FRYL: variants seen among roughly 807,000 people sequenced by gnomAD.
FRYL encodes the protein FRY like transcription coactivator, also known as protein furry homolog-like.
FRYL carries 150 observed loss-of-function variants against 351.2 expected under a neutral mutation model. The observed-to-expected ratio is 0.43, with a 90% CI of 0.37 to 0.49. The LOEUF is 0.49. FRYL is among the 20% of genes least tolerant of loss of function. The pLI is 0.00. For missense variants in FRYL, 3,036 were observed against 3,619.3 expected, an observed-to-expected ratio of 0.84 and a Z score of 4.13; for synonymous variants, 1,153 against 1,257.1, an observed-to-expected ratio of 0.92 and a Z score of 1.75.
intron 59 of FRYL, among the ~76,000 whole-genome samples, chr4:48,508,958 C>G (rs1721892310): frequency 6.6e-6 from 1 of 152,134 alleles, no homozygotes; most frequent in African/African-American, 2.4e-5. Context: ...TCTGTCTCTT[C>G]ATGGGAAGAA....
chr4:48,620,788 C>A lies in FRYL; in HGVS notation c.175-10G>T. The A allele has an allele frequency of 6.2e-7, 1 of 1,607,774 alleles. No homozygotes were observed. The highest frequency in any genetic ancestry group is 2.2e-5 in the East Asian group (1 of 44,742). On this transcript the variant is annotated splice_polypyrimidine_tract_variant and intron_variant, in intron 5 of 63. Transcript: ENST00000358350. ...TCATAGAGCTTATCAACTGAAAACA[C>A]AAGATATTACCAGAAAATAAATTGT...
intron 52 of FRYL, 66 bp from the exon 53 acceptor site, chr4:48,527,719 T>TGA: frequency 6.8e-7 from 1 of 1,464,990 alleles, no homozygotes; most frequent in Non-Finnish European, 9.2e-7. Context: ...GTATGAGGTA[T>TGA]CAGTACCCCA....
intron 1 of FRYL, among the ~76,000 whole-genome samples, chr4:48,755,997 G>C (rs1773734136): frequency 6.6e-6 from 1 of 151,646 alleles, no homozygotes; most frequent in African/African-American, 2.4e-5. Flanking sequence ...ACTTTGGGAG[G>C]CCGAGGGAAG....
At chr4:48,622,644 G>GT in intron 5 of FRYL, among the ~76,000 whole-genome samples, 1 of 152,182 alleles carries the variant, frequency 6.6e-6, no homozygotes, top group African/African-American at 2.4e-5. Context: ...TAAATTACTG[G>GT]TTTTTAAAAA....
At chr4:48,537,346 T>C (rs1729107155) in intron 47 of FRYL, among the ~76,000 whole-genome samples, 1 of 152,338 alleles carries the variant, frequency 6.6e-6, no homozygotes, top group Admixed American at 6.5e-5. Flanking sequence ...AATGCCAGGT[T>C]AAAATACGAT....
rs71660455 is a variant in FRYL at position 48,632,055 on chromosome 4, CAAAAAAAAAAAAAAAAAAA to C, written c.120+2217_120+2235del. On this transcript the variant is annotated intron_variant, in intron 4 of 63. Coordinates refer to ENST00000358350, the MANE Select transcript of FRYL (RefSeq NM_015030.2). The stretch of plus-strand genomic sequence containing the variant: ...GAGACACAGCAAGACCCTGTCTCTC[CAAAAAAAAAAAAAAAAAAA>C]AAAAAAAAAAAAAAAAAATATATAT... Among the ~76,000 whole-genome samples, 36 of 22,590 alleles carry C rather than the reference CAAAAAAAAAAAAAAAAAAA, an allele frequency of 1.6e-3. 1 individual carries two copies. The South Asian group carries it at 0.063, about 39-fold the overall frequency. The allele number at this position is 22,590 out of a possible 152,430, so 14.8% of individuals were successfully genotyped here. A position where few individuals can be genotyped will look rare whatever the true frequency, so the allele number is the denominator to read the frequency against.
chr4:48,667,985 T>A (rs1762033853), intron 3 of FRYL, among the ~76,000 whole-genome samples: 2 of 152,176 alleles, frequency 1.3e-5, no homozygotes, highest in Admixed American at 1.3e-4. Flanking sequence ...AAGTTACTTG[T>A]ATGTAGCTCT....
chr4:48,663,565 A>G (rs1442884560), intron 3 of FRYL, among the ~76,000 whole-genome samples: 1 of 151,310 alleles, frequency 6.6e-6, no homozygotes, highest in Admixed American at 6.6e-5. Flanking sequence ...TGAGTAAATA[A>G]AAGAGATCCC....
intron 1 of FRYL, among the ~76,000 whole-genome samples, chr4:48,767,953 C>T (rs1179999140): frequency 1.3e-5 from 2 of 152,230 alleles, no homozygotes; most frequent in Non-Finnish European, 1.5e-5. Flanking sequence ...TGTGGGTAAC[C>T]TCTGATTGAT....
chr4:48,764,389 G>A (rs1399673692), intron 1 of FRYL, among the ~76,000 whole-genome samples: 1 of 151,800 alleles, frequency 6.6e-6, no homozygotes, highest in African/African-American at 2.4e-5. Flanking sequence ...AGGTTAGCCG[G>A]GTATGATGGT....
At chr4:48,641,561 C>T (rs1484673014) in intron 3 of FRYL, among the ~76,000 whole-genome samples, 1 of 152,052 alleles carries the variant, frequency 6.6e-6, no homozygotes. Context: ...AATGGCTTAA[C>T]GACTGGCTCG....
At chr4:48,761,050 TTG>T (rs1491484053) in intron 1 of FRYL, among the ~76,000 whole-genome samples, 10 of 145,398 alleles carry the variant, frequency 6.9e-5, no homozygotes, top group South Asian at 2.2e-4. Flanking sequence ...TGTGTGTGTG[TTG>T]AAGAGGAAAT....
intron 3 of FRYL, among the ~76,000 whole-genome samples, chr4:48,634,980 T>A (rs540982674): frequency 1.1e-3 from 161 of 152,124 alleles, no homozygotes; most frequent in African/African-American, 3.3e-3. Context: ...ACACTTAAAC[T>A]CAGGCCTAAA....
At chr4:48,695,588 T>C (rs1766083067) in intron 2 of FRYL, among the ~76,000 whole-genome samples, 1 of 151,972 alleles carries the variant, frequency 6.6e-6, no homozygotes. Context: ...TCCATAAATA[T>C]AATAAACTGC....
At chr4:48,566,493 T>C (rs1396640417) in intron 28 of FRYL, among the ~76,000 whole-genome samples, 7 of 152,338 alleles carry the variant, frequency 4.6e-5, no homozygotes, top group South Asian at 4.1e-4. Context: ...GAAAAAAATA[T>C]GCTCTTTTCC....
intron 60 of FRYL, 96 bp from the exon 61 acceptor site, chr4:48,502,941 C>A: frequency 2.2e-6 from 2 of 908,838 alleles, no homozygotes; most frequent in South Asian, 1.5e-5. Context: ...CACAGATGTT[C>A]CAGGTAAACT....
Position 48,582,486 on chromosome 4 carries a change from G to T in FRYL, c.1986+11C>A, listed in dbSNP as rs1741156274. The T allele has an allele frequency of 1.9e-6, 3 of 1,553,416 alleles. No individual in the cohort carries two copies. The South Asian group carries it at 3.3e-5, about 17-fold the overall frequency. On this transcript the variant is annotated intron_variant, in intron 20 of 63. Transcript: ENST00000358350. ...CCACATACAAAAGGACAATAGAAAA[G>T]AATCTGGTACCTGAGTGTCCTGGTT...
intron 27 of FRYL, among the ~76,000 whole-genome samples, chr4:48,570,031 C>T (rs1420737130): frequency 3.3e-5 from 5 of 152,118 alleles, no homozygotes; most frequent in Non-Finnish European, 7.4e-5. Context: ...CTAGGCTGGT[C>T]TCCAACCCCT....
Position 48,567,167 on chromosome 4 carries a change from T to TA in FRYL, c.3169+80dup. ...ATGTTCATACGTTACTTTATCAACT[T>TA]AGATTATTAAACCTCAAGGAAAGAA... On this transcript the variant is annotated intron_variant, in intron 28 of 63. Transcript: ENST00000358350. This position sits in a 1 kb window ranked among gnomAD's most constrained non-coding sequence, Gnocchi z 4.2. The TA allele has an allele frequency of 8.7e-7, 1 of 1,148,938 alleles. No homozygotes were observed. Among genetic ancestry groups the TA allele is most frequent in the Non-Finnish European group, 1.2e-6 (1 of 812,292 alleles). 71.2% of individuals were successfully genotyped at this position (1,148,938 alleles called of 1,614,324 possible).
Sources: allele counts gnomAD v4.1 joint callset (sites outside exome capture counted in the v4.1 genomes callset), GRCh38; gene constraint gnomAD v4.1.1; non-coding constraint Gnocchi (gnomAD v3.1); transcripts MANE v1.5; gene names NCBI Gene and HGNC (gene_info 2026-07-23, HGNC 2026-07-21).